The following XRCC6 variants were observed in gnomAD, a reference collection of about 807,000 sequenced individuals.
XRCC6 encodes the protein DNA repair protein Ku70.
Under a neutral mutation model 65.7 loss-of-function variants are expected in XRCC6, and 5 were observed. The observed-to-expected ratio is 0.08, with a 90% CI of 0.04 to 0.16. XRCC6 has a LOEUF of 0.16. XRCC6 is among the 10% of genes least tolerant of loss of function. The pLI is 1.00. For missense variants in XRCC6, 447 were observed against 738.1 expected, an observed-to-expected ratio of 0.61 and a Z score of 4.57; for synonymous variants, 270 against 270.6, an observed-to-expected ratio of 1.00 and a Z score of 0.02.
chr22:41,636,235 G>A lies in XRCC6; in HGVS notation c.318G>A (p.Gln106=). 1 of 1,597,504 alleles carries A rather than the reference G, an allele frequency of 6.3e-7. No individual in the cohort carries two copies. Among genetic ancestry groups the A allele is most frequent in the Non-Finnish European group, 8.5e-7 (1 of 1,175,486 alleles). Residue 106 remains glutamine, a synonymous_variant, in exon 4 of 13, where the codon CAG becomes CAA. Transcript: ENST00000360079. Reference sequence around the variant, plus strand: ...ATTTTAAAAATATTTACGTCTTACAGGAGCTGGATAATCCAGGTCAGTAAT... The same window carrying A: ...ATTTTAAAAATATTTACGTCTTACAAGAGCTGGATAATCCAGGTCAGTAAT... ...SVNFKNIYVL[Q]ELDNPGAKRI... is the part of the protein sequence containing the mutation.
At chr22:41,627,278 G>A (rs1224408675) in intron 2 of XRCC6, among the ~76,000 whole-genome samples, 2 of 152,078 alleles carry the variant, frequency 1.3e-5, no homozygotes, top group East Asian at 1.9e-4. Flanking sequence ...AACGTAAGGG[G>A]TGGGTGTGTG....
intron 11 of XRCC6, among the ~76,000 whole-genome samples, chr22:41,660,784 C>CT (rs1480603485): frequency 1.3e-5 from 2 of 152,158 alleles, no homozygotes; most frequent in African/African-American, 4.8e-5. Context: ...CCTCCTCTCT[C>CT]TCACTGGGCT....
intron 10 of XRCC6, among the ~76,000 whole-genome samples, chr22:41,658,022 C>A (rs539602181): frequency 6.6e-5 from 10 of 152,184 alleles, no homozygotes; most frequent in African/African-American, 2.4e-4. Context: ...CAGGGTCTCA[C>A]CATGTTGTCC....
At chr22:41,649,196 C>G (rs2067970558) in intron 7 of XRCC6, among the ~76,000 whole-genome samples, 1 of 142,418 alleles carries the variant, frequency 7.0e-6, no homozygotes, top group Non-Finnish European at 1.5e-5. Context: ...ATATATCTCT[C>G]TCCAAACAAT....
intron 3 of XRCC6, among the ~76,000 whole-genome samples, chr22:41,629,876 A>AGC (rs1407304171): frequency 6.6e-6 from 1 of 151,546 alleles, no homozygotes; most frequent in African/African-American, 2.4e-5. Flanking sequence ...TCACCGTGTT[A>AGC]GCCAGGATGG....
chr22:41,653,729 C>T (rs2068021507), intron 9 of XRCC6, 39 bp downstream of exon 9: 1 of 1,600,030 alleles, frequency 6.2e-7, no homozygotes, highest in Non-Finnish European at 8.5e-7. Flanking sequence ...CTGAACCTTG[C>T]CCATACTTTG....
intron 5 of XRCC6, among the ~76,000 whole-genome samples, chr22:41,637,078 ATTTTTTTT>A (rs35433922): frequency 1.1e-5 from 1 of 88,706 alleles, no homozygotes; most frequent in African/African-American, 4.2e-5. Flanking sequence ...GATTGTCTTG[ATTTTTTTT>A]TTTTTTTTTT....
At chr22:41,623,578 G>A (rs895232201) in intron 2 of XRCC6, among the ~76,000 whole-genome samples, 3 of 151,904 alleles carry the variant, frequency 2.0e-5, no homozygotes, top group East Asian at 1.9e-4. Flanking sequence ...TAGTAGAGAC[G>A]GGGTTTCACT....
intron 12 of XRCC6, among the ~76,000 whole-genome samples, chr22:41,662,527 ATC>A (rs1382975951): frequency 1.3e-5 from 2 of 152,164 alleles, no homozygotes; most frequent in Admixed American, 1.3e-4. Flanking sequence ...ACACTTACCT[ATC>A]TCATTTTTTA....
rs775971407 is a variant in XRCC6 at position 41,636,608 on chromosome 22, C to T, written c.427C>T (p.Leu143Phe). ...GATGGGCCACGGATCTGACTACTCA[C>T]TCAGTGAAGTGCTGTGGGTCTGTGC... Reference protein sequence around the residue: ...DMMGHGSDYSLSEVLWVCANL... With the variant: ...DMMGHGSDYSFSEVLWVCANL... The change falls in exon 5 of 13, where the codon CTC becomes TTC. Residue 143 changes from leucine to phenylalanine, a missense_variant. Physicochemically the swap from Leu to Phe is conservative, Grantham distance 22 (BLOSUM62 0). This residue lies in a region of XRCC6 where 228 missense variants were observed against 307.4 expected (regional missense o/e 0.74). Coordinates refer to ENST00000360079, the MANE Select transcript of XRCC6 (RefSeq NM_001469.5). 1 of 1,614,078 alleles carries T rather than the reference C, an allele frequency of 6.2e-7. No homozygotes were observed. Among genetic ancestry groups the T allele is most frequent in the South Asian group, 1.1e-5 (1 of 91,088 alleles).
chr22:41,622,530 G>A (rs2067620553), intron 2 of XRCC6, among the ~76,000 whole-genome samples: 1 of 152,150 alleles, frequency 6.6e-6, no homozygotes, highest in Non-Finnish European at 1.5e-5. Context: ...ACGTTTGGGA[G>A]TGTATGTGCA....
chr22:41,659,017 C>T (rs1046913899), intron 11 of XRCC6, among the ~76,000 whole-genome samples: 3 of 152,154 alleles, frequency 2.0e-5, no homozygotes, highest in South Asian at 4.1e-4. Flanking sequence ...GACTCGCAGC[C>T]GGGCGTAGTG....
chr22:41,623,265 C>T (rs1183957955), intron 2 of XRCC6, among the ~76,000 whole-genome samples: 1 of 152,008 alleles, frequency 6.6e-6, no homozygotes, highest in Non-Finnish European at 1.5e-5. Context: ...TTTGTAGAGA[C>T]AGGATCTTGC....
chr22:41,622,424 A>G (rs2067619036), intron 2 of XRCC6, among the ~76,000 whole-genome samples: 1 of 152,114 alleles, frequency 6.6e-6, no homozygotes. Flanking sequence ...ACCTCAGTGT[A>G]AAAATGCCCC....
intron 7 of XRCC6, among the ~76,000 whole-genome samples, chr22:41,650,187 C>T (rs2067981992): frequency 6.6e-6 from 1 of 151,580 alleles, no homozygotes; most frequent in African/African-American, 2.4e-5. Context: ...ACACTGCATC[C>T]TCGAACTCCT....
intron 6 of XRCC6, among the ~76,000 whole-genome samples, chr22:41,643,387 C>A (rs1034132709): frequency 6.6e-6 from 1 of 151,670 alleles, no homozygotes; most frequent in African/African-American, 2.4e-5. Flanking sequence ...CCAGCTTAGG[C>A]GACAGAGCGA....
rs2068020756 is a variant in XRCC6 at position 41,653,664 on chromosome 22, A to C, written c.1265A>C (p.Asp422Ala). ...GTGCCACAGGAAGAAGAGTTGGATG[A>C]CCAGAAAATTCAGGTGACTCCTCCA... is the stretch of plus-strand genomic sequence containing the variant. ...ALVPQEEELD[D>A]QKIQVTPPGF... Residue 422 changes from aspartate to alanine, a missense_variant, in exon 9 of 13, where the codon GAC becomes GCC. This residue lies in a region of XRCC6 where 201 missense variants were observed against 374.1 expected (regional missense o/e 0.54). Transcript: ENST00000360079. The C allele has an allele frequency of 1.2e-6, 2 of 1,614,068 alleles. No homozygotes were observed. Among genetic ancestry groups the C allele is most frequent in the Admixed American group, 3.3e-5 (2 of 60,000 alleles).
At position 41,650,967 on chromosome 22, in the gene XRCC6, C is replaced by T. The variant is rs1390754861; in HGVS notation, c.1129+76C>T. ...CGGAGCAGCGCTTTGTAAATGGGCA[C>T]TGCTTGGACACTGTACAGGAAATGT... On this transcript the variant is annotated intron_variant, in intron 8 of 12. Coordinates refer to ENST00000360079, the MANE Select transcript of XRCC6 (RefSeq NM_001469.5). The T allele has an allele frequency of 1.9e-6, 3 of 1,550,048 alleles. No homozygotes were observed. The African/African-American group carries it at 4.1e-5, about 21-fold the overall frequency.
At chr22:41,635,332 GA>G (rs1424760692) in intron 3 of XRCC6, among the ~76,000 whole-genome samples, 1 of 152,142 alleles carries the variant, frequency 6.6e-6, no homozygotes, top group Non-Finnish European at 1.5e-5. Context: ...GAGGTTGGTT[GA>G]ATACATAGAT....
Sources: allele counts gnomAD v4.1 joint callset (sites outside exome capture counted in the v4.1 genomes callset), GRCh38; gene constraint gnomAD v4.1.1; regional missense constraint gnomAD v4.1.1; transcripts MANE v1.5; gene names NCBI Gene and HGNC (gene_info 2026-07-23, HGNC 2026-07-21).